Variants in SIX4 observed in about 807,000 individuals in gnomAD.
The protein encoded by SIX4 is homeobox protein SIX4.
In SIX4, 23 loss-of-function variants were observed where a neutral mutation model predicts 51.5. The observed-to-expected ratio is 0.45, with a 90% CI of 0.32 to 0.63. SIX4 has a LOEUF of 0.63. Ranked by LOEUF, SIX4 falls within the 30% of genes least tolerant of loss-of-function variation. SIX4 has a pLI of 0.04. For synonymous variants in SIX4, 413 were observed against 417.3 expected (o/e 0.99, Z 0.13); for missense variants, 867 against 984.0 (o/e 0.88, Z 1.59).
intron 2 of SIX4, among the ~76,000 whole-genome samples, chr14:60,718,610 A>G (rs1235929134): frequency 1.3e-5 from 2 of 152,174 alleles, no homozygotes; most frequent in Non-Finnish European, 2.9e-5. Flanking sequence ...TTTTTGCCCT[A>G]TGTTAGATAG....
chr14:60,719,956 A>G lies in SIX4; in HGVS notation c.1353T>C (p.Thr451=). Residue 451 remains threonine (T), a synonymous_variant, in exon 2 of 3, where the codon ACT becomes ACC. Coordinates refer to ENST00000216513, the MANE Select transcript of SIX4 (RefSeq NM_017420.5). The surrounding 1 kb of genome is among the most constrained non-coding windows in gnomAD (Gnocchi z 4.9). The part of the protein sequence containing the change: ...PVSFPGLIPS[T]EVKREGIQTV... ...TTTGAATGCCTTCTCTTTTCACCTC[A>G]GTGCTGGGTATCAGGCCTGGGAATG... is the stretch of plus-strand genomic sequence containing the variant. 5.0e-6 allele frequency: 8 copies of G among 1,614,152 alleles called. No individual in the cohort carries two copies. Among genetic ancestry groups the G allele is most frequent in the Non-Finnish European group, 6.8e-6 (8 of 1,180,020 alleles).
chr14:60,717,959 C>T lies in SIX4; in HGVS notation c.1549+1801G>A, dbSNP rs543232529. ...CACGGGAGGCAGAGGCTGCAGTGAG[C>T]CGAGATCGCGCCACTGTACTCCAGC... On this transcript the variant is annotated intron_variant, in intron 2 of 2. Transcript: ENST00000216513. The surrounding 1 kb of genome is among the most constrained non-coding windows in gnomAD (Gnocchi z 4.6). 171 of 216,694 alleles carry T rather than the reference C, an allele frequency of 7.9e-4. No homozygotes were observed. Among genetic ancestry groups the T allele is most frequent in the Non-Finnish European group, 1.2e-3 (126 of 108,276 alleles). The allele number at this position is 216,694 out of a possible 1,614,324, so 13.4% of individuals were successfully genotyped here.
rs1896081998 is a variant in SIX4, at chr14:60,723,749, G to A, written c.326C>T (p.Ser109Leu). Reference sequence around the variant, plus strand: ...GCACACGCAGGCGACGTGGTCGGGCGAGAAGGCCAGCGGGGTCTGCGCGGC... The same window carrying A: ...GCACACGCAGGCGACGTGGTCGGGCAAGAAGGCCAGCGGGGTCTGCGCGGC... ...AAAAQTPLAF[S>L]PDHVACVCEA... The change falls in exon 1 of 3, where the codon TCG becomes TTG. Residue 109 changes from serine to leucine, a missense_variant. Physicochemically the swap from Ser to Leu is moderately radical, Grantham distance 145 (BLOSUM62 -2). Transcript: ENST00000216513. The A allele has an allele frequency of 6.5e-7, 1 of 1,542,370 alleles. No homozygotes were observed. The highest frequency in any genetic ancestry group is 8.7e-7 in the Non-Finnish European group (1 of 1,147,384).
chr14:60,714,804 T>A (rs1895891738), intron 2 of SIX4, among the ~76,000 whole-genome samples: 1 of 151,814 alleles, frequency 6.6e-6, no homozygotes, highest in African/African-American at 2.4e-5. Flanking sequence ...TAGCTGTGAC[T>A]ATAGGCATGC....
rs550379199 is a variant in SIX4 at position 60,724,095 on chromosome 14, C to G, written c.-21G>C. The stretch of plus-strand genomic sequence containing the variant: ...GACATTTTTTGTTGTTTATTTTCCT[C>G]CCTCCCTCACTCCCTCGCACTCTTT... On this transcript the variant is annotated 5_prime_UTR_variant, in exon 1 of 3. Coordinates refer to ENST00000216513, the MANE Select transcript of SIX4 (RefSeq NM_017420.5). The G allele has an allele frequency of 7.0e-6, 11 of 1,564,194 alleles. No homozygotes were observed. In the African/African-American group the frequency reaches 1.5e-4, roughly 21 times the overall value.
intron 2 of SIX4, among the ~76,000 whole-genome samples, chr14:60,715,263 C>T (rs1895903445): frequency 6.6e-6 from 1 of 152,176 alleles, no homozygotes; most frequent in Non-Finnish European, 1.5e-5. Context: ...AACACAAATG[C>T]ACCTTCATTC....
chr14:60,723,551 T>G lies in SIX4; in HGVS notation c.524A>C (p.Glu175Ala). The change falls in exon 1 of 3, where the codon GAG (glutamate) becomes GCG (alanine). Residue 175 changes from glutamate to alanine, a missense_variant. By Grantham distance (107) the Glu-to-Ala change is moderately radical. Transcript: ENST00000216513. ...LYSILESHSF[E>A]SANHPLLQQL... is the part of the protein sequence containing the mutation. ...CTGCAGCAGCGGGTGGTTGGCCGAC[T>G]CGAAGCTGTGGCTCTCGAGGATGCT... 1 of 1,609,572 alleles carries G rather than the reference T, an allele frequency of 6.2e-7. No homozygotes were observed.
Position 60,711,531 on chromosome 14 carries a change from A to G in SIX4, c.*1876T>C, listed in dbSNP as rs531208884. 6.6e-6 allele frequency: 1 copy of G among 152,316 alleles called. No homozygotes were observed. Among genetic ancestry groups the G allele is most frequent in the East Asian group, 1.9e-4 (1 of 5,182 alleles). 9.4% of individuals were successfully genotyped at this position (152,316 alleles called of 1,614,324 possible). A position where few individuals can be genotyped will look rare whatever the true frequency, so the allele number is the denominator to read the frequency against. ...CCAGGCACAGTGGCTCATGCCTATA[A>G]TCCCAGCACTTTGGGAGGCCGAGGC... On this transcript the variant is annotated 3_prime_UTR_variant, in exon 3 of 3. Transcript: ENST00000216513.
Position 60,723,341 on chromosome 14 carries a change from T to G in SIX4, c.734A>C (p.Asn245Thr). 6.2e-7 allele frequency: 1 copy of G among 1,612,398 alleles called. No individual in the cohort carries two copies. The highest frequency in any genetic ancestry group is 8.5e-7 in the Non-Finnish European group (1 of 1,179,924). The change falls in exon 1 of 3, where the codon AAT becomes ACT. Residue 245 changes from asparagine to threonine, a missense_variant. By Grantham distance (65) the Asn-to-Thr change is moderately conservative. Transcript: ENST00000216513. ...RNALKELYKQ[N>T]RYPSPAEKRH... ...CTTCTCGGCGGGCGAAGGGTAGCGA[T>G]TCTGCTTGTAGAGCTCCTTGAGCGC... is the stretch of plus-strand genomic sequence containing the variant.
At position 60,709,761 on chromosome 14, in the gene SIX4, C is replaced by T. The variant is rs1463633586; in HGVS notation, c.*3646G>A. ...GCAGTAAAGACTCTGTTACCCCACC[C>T]CATGATATACATTCTGTATAGAGTT... On this transcript the variant is annotated 3_prime_UTR_variant, in exon 3 of 3. Transcript: ENST00000216513. The surrounding 1 kb of genome is among the most constrained non-coding windows in gnomAD (Gnocchi z 4.1). The T allele has an allele frequency of 6.6e-6, 1 of 152,578 alleles. No individual in the cohort carries two copies. The highest frequency in any genetic ancestry group is 2.4e-5 in the African/African-American group (1 of 41,428). The allele number at this position is 152,578 out of a possible 1,614,324, so 9.5% of individuals were successfully genotyped here. A position where few individuals can be genotyped will look rare whatever the true frequency, so the allele number is the denominator to read the frequency against.
chr14:60,712,131 A>C lies in SIX4; in HGVS notation c.*1276T>G, dbSNP rs1384888023. On this transcript the variant is annotated 3_prime_UTR_variant, in exon 3 of 3. Coordinates refer to ENST00000216513, the MANE Select transcript of SIX4 (RefSeq NM_017420.5). ...GTTTCAACAGGACAGAATTTTGCTC[A>C]ATAGAATTTACATATTTTCTTTCCT... 6.5e-6 allele frequency: 1 copy of C among 152,674 alleles called. No homozygotes were observed. Among genetic ancestry groups the C allele is most frequent in the East Asian group, 1.9e-4 (1 of 5,202 alleles). The allele number at this position is 152,674 out of a possible 1,614,324, so 9.5% of individuals were successfully genotyped here. A position where few individuals can be genotyped will look rare whatever the true frequency, so the allele number is the denominator to read the frequency against.
rs1896070736 is a variant in SIX4, at chr14:60,723,398, G to A, written c.677C>T (p.Thr226Met). Residue 226 changes from threonine to methionine, a missense_variant, in exon 1 of 3, where the codon ACG becomes ATG. Physicochemically the swap from Thr to Met is moderately conservative, Grantham distance 81. Transcript: ENST00000216513. ...CGACTTCTCCTTGAAACAATACACCGTCTCCTCGCCGTCCCAGATGGTGCG... is the reference window on the plus strand; with the variant it reads ...CGACTTCTCCTTGAAACAATACACCATCTCCTCGCCGTCCCAGATGGTGCG... ...LPRTIWDGEE[T>M]VYCFKEKSRN... 6.2e-7 allele frequency: 1 copy of A among 1,611,664 alleles called. No individual in the cohort carries two copies. Among genetic ancestry groups the A allele is most frequent in the African/African-American group, 1.3e-5 (1 of 74,984 alleles).
In SIX4 at chr14:60,713,214, A is replaced by G; in HGVS notation, c.*193T>C. 1.9e-6 allele frequency: 1 copy of G among 517,004 alleles called. No homozygotes were observed. The highest frequency in any genetic ancestry group is 3.9e-5 in the South Asian group (1 of 25,442). 32.0% of individuals were successfully genotyped at this position (517,004 alleles called of 1,614,324 possible). The stretch of plus-strand genomic sequence containing the variant: ...AAAGAGAAATTTATAAGTGAACAAA[A>G]AGGCTGCAATAATGCAGTTCTACTC... On this transcript the variant is annotated 3_prime_UTR_variant, in exon 3 of 3. Transcript: ENST00000216513.
In SIX4 at chr14:60,714,009, T is replaced by C. The variant is rs1484382110; in HGVS notation, c.1744A>G (p.Met582Val). The change falls in exon 3 of 3, where the codon ATG (methionine) becomes GTG (valine). Residue 582 changes from methionine to valine, a missense_variant. By Grantham distance (21) the Met-to-Val change is conservative. Transcript: ENST00000216513. ...ACTTGTGCATTCTGATTGACAGGCA[T>C]CAACTGAGAAAATACCAGGCTCCTT... is the stretch of plus-strand genomic sequence containing the variant. The part of the protein sequence containing the change: ...LERSLVFSQL[M>V]PVNQNAQVNA... 5 of 1,613,990 alleles carry C rather than the reference T, an allele frequency of 3.1e-6. No individual in the cohort carries two copies. The highest frequency in any genetic ancestry group is 4.2e-6 in the Non-Finnish European group (5 of 1,180,016).
In SIX4 at chr14:60,714,066, T is replaced by C; in HGVS notation, c.1687A>G (p.Thr563Ala). Residue 563 changes from threonine to alanine, a missense_variant, in exon 3 of 3, where the codon ACT (threonine) becomes GCT (alanine). Thr to Ala is a moderately conservative substitution (Grantham distance 58). Transcript: ENST00000216513. ...CCTTCCTGTTTCACAGATCCTATAG[T>C]CTGGCCTGTATTAGGAACCGTGTAT... Reference protein sequence around the residue: ...VVYTVPNTGQTIGSVKQEGLE... With the variant: ...VVYTVPNTGQAIGSVKQEGLE... The C allele has an allele frequency of 1.2e-6, 2 of 1,614,122 alleles. No individual in the cohort carries two copies. The highest frequency in any genetic ancestry group is 1.7e-6 in the Non-Finnish European group (2 of 1,180,030).
At chr14:60,715,188 A>C (rs1895902500) in intron 2 of SIX4, among the ~76,000 whole-genome samples, 1 of 152,076 alleles carries the variant, frequency 6.6e-6, no homozygotes, top group Non-Finnish European at 1.5e-5. Flanking sequence ...CTGTTTCTTC[A>C]CTAGTAACTT....
At position 60,719,893 on chromosome 14, in the gene SIX4, A is replaced by G; in HGVS notation, c.1416T>C (p.Phe472=). Residue 472 remains phenylalanine (F), a synonymous_variant, in exon 2 of 3, where the codon TTT becomes TTC. Coordinates refer to ENST00000216513, the MANE Select transcript of SIX4 (RefSeq NM_017420.5). The surrounding 1 kb of genome is among the most constrained non-coding windows in gnomAD (Gnocchi z 4.9). ...ASQDGGSVVT[F]TTPVQINQYG... ...ACTGGTTAATTTGCACTGGTGTAGT[A>G]AAAGTCACTACAGACCCTCCATCTT... The G allele has an allele frequency of 6.2e-7, 1 of 1,614,182 alleles. No individual in the cohort carries two copies. Among genetic ancestry groups the G allele is most frequent in the Non-Finnish European group, 8.5e-7 (1 of 1,180,032 alleles).
At chr14:60,715,859 AT>A (rs1025406767) in intron 2 of SIX4, among the ~76,000 whole-genome samples, 20 of 151,876 alleles carry the variant, frequency 1.3e-4, no homozygotes, top group African/African-American at 4.6e-4. Context: ...CTCATCTTGA[AT>A]TAGATGTTCA....
chr14:60,722,503 C>A lies in SIX4; in HGVS notation c.863+709G>T, dbSNP rs1002042646. Among the ~76,000 whole-genome samples the A allele has an allele frequency of 6.6e-6, 1 of 152,192 alleles. No individual in the cohort carries two copies. Among genetic ancestry groups the A allele is most frequent in the African/African-American group, 2.4e-5 (1 of 41,456 alleles). On this transcript the variant is annotated intron_variant, in intron 1 of 2. Transcript: ENST00000216513. The surrounding 1 kb of genome is among the most constrained non-coding windows in gnomAD (Gnocchi z 5.9). Reference sequence around the variant, plus strand: ...CGCTGAAACCCGATCCTAAGGAGTTCAGAATCAGGTTTCAAAACATGACAG... The same window carrying A: ...CGCTGAAACCCGATCCTAAGGAGTTAAGAATCAGGTTTCAAAACATGACAG...
Sources: allele counts gnomAD v4.1 joint callset (sites outside exome capture counted in the v4.1 genomes callset), GRCh38; gene constraint gnomAD v4.1.1; non-coding constraint Gnocchi (gnomAD v3.1); transcripts MANE v1.5; gene names NCBI Gene and HGNC (gene_info 2026-07-23, HGNC 2026-07-21).